The following CEP72 variants were observed in gnomAD, a reference collection of about 807,000 sequenced individuals.
CEP72 encodes the protein centrosomal protein 72.
A neutral mutation model predicts 65.7 loss-of-function variants in CEP72; 78 were observed. The observed-to-expected ratio is 1.19, with a 90% CI of 0.99 to 1.43. The LOEUF is 1.43. CEP72 is among the 40% of genes most tolerant of loss of function. The pLI, the probability that CEP72 is intolerant of heterozygous loss-of-function variation, is 0.00. For missense variants in CEP72, 914 were observed against 832.9 expected (o/e 1.10, Z -1.20); for synonymous variants, 358 against 351.7 (o/e 1.02, Z -0.20).
rs755183577 is a variant in CEP72 at position 637,503 on chromosome 5, T to C, written c.905-14T>C. The C allele has an allele frequency of 1.1e-5, 18 of 1,603,138 alleles. 1 individual carries two copies. In the South Asian group the frequency reaches 2.0e-4, roughly 18 times the overall value. On this transcript the variant is annotated splice_polypyrimidine_tract_variant and intron_variant, in intron 6 of 11. Coordinates refer to ENST00000264935, the MANE Select transcript of CEP72 (RefSeq NM_018140.4). ...ATTTGGCCTGACGTGCGCCCCATCCTCTCTATATCTCAGACTCCATGGATA... is the reference window on the plus strand; with the variant it reads ...ATTTGGCCTGACGTGCGCCCCATCCCCTCTATATCTCAGACTCCATGGATA...
rs201053025 is a variant in CEP72, at chr5:647,872, C to T, written c.1734C>T (p.Tyr578=). 19 of 1,612,364 alleles carry T rather than the reference C, an allele frequency of 1.2e-5. No homozygotes were observed. The highest frequency in any genetic ancestry group is 2.2e-5 in the South Asian group (2 of 91,068). The change falls in exon 11 of 12, where the codon TAC becomes TAT. Residue 578 remains tyrosine, a synonymous_variant. Transcript: ENST00000264935. Reference sequence around the variant, plus strand: ...AACTGAAGCAGCACCTGGAGCACTACGACAAGATCCAGGAGCTCACGCAGA... The same window carrying T: ...AACTGAAGCAGCACCTGGAGCACTATGACAAGATCCAGGAGCTCACGCAGA... ...IVELKQHLEH[Y]DKIQELTQML...
intron 2 of CEP72, among the ~76,000 whole-genome samples, chr5:619,614 G>A (rs1165503058): frequency 6.6e-6 from 1 of 152,220 alleles, no homozygotes; most frequent in Non-Finnish European, 1.5e-5. Flanking sequence ...GAGCATTATG[G>A]AGGCCACGTC....
Position 620,090 on chromosome 5 carries a change from T to C in CEP72, c.232T>C (p.Leu78=), listed in dbSNP as rs1287119969. Residue 78 remains leucine (L), a synonymous_variant, in exon 3 of 12, where the codon TTG becomes CTG. Transcript: ENST00000264935. Reference sequence around the variant, plus strand: ...ACAGGGCATTCAGTACCTGACTGCATTGGAGAGTCTCAATCTCTACTACAA... The same window carrying C: ...ACAGGGCATTCAGTACCTGACTGCACTGGAGAGTCTCAATCTCTACTACAA... ...SLEGIQYLTA[L]ESLNLYYNCI... 1.9e-6 allele frequency: 3 copies of C among 1,611,444 alleles called. No individual in the cohort carries two copies. The highest frequency in any genetic ancestry group is 1.1e-5 in the South Asian group (1 of 91,054).
At chr5:675,595 AT>A in the CEP72 span, among the ~76,000 whole-genome samples, 1 of 103,548 alleles carries the variant, frequency 9.7e-6, no homozygotes. Context: ...GGGGTGCAGC[AT>A]GGGGGGTACA....
chr5:650,049 C>T (rs868722985), intron 11 of CEP72, among the ~76,000 whole-genome samples: 2 of 77,702 alleles, frequency 2.6e-5, no homozygotes, highest in African/African-American at 1.5e-4. Flanking sequence ...GAGGCGTGGA[C>T]TGTGAGGTGT....
chr5:629,066 G>A (rs1207771771), intron 4 of CEP72, among the ~76,000 whole-genome samples: 3 of 152,358 alleles, frequency 2.0e-5, no homozygotes, highest in Non-Finnish European at 2.9e-5. Context: ...ACCAGGTGTC[G>A]TATCATGAGC....
At chr5:656,442 G>C (rs1292229673), downstream of CEP72, among the ~76,000 whole-genome samples, 1 of 152,166 alleles carries the variant, frequency 6.6e-6, no homozygotes, top group Non-Finnish European at 1.5e-5. Flanking sequence ...CCAAATGTTA[G>C]GGCTCCTTCA....
chr5:638,902 G>A (rs570047791), intron 7 of CEP72, among the ~76,000 whole-genome samples, 187 bp from the exon 8 acceptor site: 1 of 152,156 alleles, frequency 6.6e-6, no homozygotes, highest in Non-Finnish European at 1.5e-5. Flanking sequence ...CAGGACCGGT[G>A]CACCTGGCTA....
At chr5:628,321 A>G (rs1176036571) in intron 4 of CEP72, among the ~76,000 whole-genome samples, 1 of 152,188 alleles carries the variant, frequency 6.6e-6, no homozygotes, top group Non-Finnish European at 1.5e-5. Context: ...GAGGTGGGGG[A>G]CGCCCAAGGA....
At chr5:634,851 A>G (rs190214525) in intron 5 of CEP72, among the ~76,000 whole-genome samples, 2 of 152,160 alleles carry the variant, frequency 1.3e-5, no homozygotes, top group East Asian at 3.9e-4. Context: ...CACAAGTTTT[A>G]ATTTCATTAC....
At chr5:654,518 G>C (rs771005823), downstream of CEP72, among the ~76,000 whole-genome samples, 4 of 152,136 alleles carry the variant, frequency 2.6e-5, no homozygotes, top group East Asian at 7.7e-4. Flanking sequence ...GGACTCTGCT[G>C]TCTCTTCCCC....
chr5:644,490 T>C lies in CEP72; in HGVS notation c.1666+65T>C. 1.9e-6 allele frequency: 3 copies of C among 1,554,264 alleles called. No individual in the cohort carries two copies. The South Asian group carries it at 3.4e-5, about 18-fold the overall frequency. On this transcript the variant is annotated intron_variant, in intron 10 of 11. Coordinates refer to ENST00000264935, the MANE Select transcript of CEP72 (RefSeq NM_018140.4). ...GTGTTCAAATGTGCCTAGGTAGACT[T>C]TGTTTTAAATTCTTCACTGAGGGAA...
At chr5:640,371 C>T (rs749946830) in intron 8 of CEP72, 37 bp from the exon 9 acceptor site, 3 of 1,594,520 alleles carry the variant, frequency 1.9e-6, no homozygotes, top group South Asian at 2.3e-5. Context: ...ATCCTTTAAG[C>T]CTAAGTGCTA....
rs143910441 is a variant in CEP72, at chr5:637,649, C to T, written c.1037C>T (p.Ser346Leu). Residue 346 changes from serine (S) to leucine (L), a missense_variant, in exon 7 of 12, where the codon TCG (serine) becomes TTG (leucine). By Grantham distance (145) the Ser-to-Leu change is moderately radical. Transcript: ENST00000264935. Reference protein sequence around the residue: ...RMPVGRFQTFSDQEGLGCPER... With the variant: ...RMPVGRFQTFLDQEGLGCPER... Reference sequence around the variant, plus strand: ...CCTGTTGGAAGATTCCAGACGTTTTCGGACCAGGAGGGTTTGGGCTGCCCG... The same window carrying T: ...CCTGTTGGAAGATTCCAGACGTTTTTGGACCAGGAGGGTTTGGGCTGCCCG... 36 of 1,613,892 alleles carry T rather than the reference C, an allele frequency of 2.2e-5. No individual in the cohort carries two copies. The highest frequency in any genetic ancestry group is 1.8e-4 in the East Asian group (8 of 44,896).
chr5:667,353 C>A (rs1475440255), downstream of CEP72, among the ~76,000 whole-genome samples: 2 of 152,306 alleles, frequency 1.3e-5, no homozygotes, highest in East Asian at 3.9e-4. Context: ...GGAGCTGGAG[C>A]AACTGGTGAT....
chr5:648,408 A>G (rs56297766), intron 11 of CEP72, among the ~76,000 whole-genome samples: 9 of 130,706 alleles, frequency 6.9e-5, no homozygotes, highest in African/African-American at 2.9e-4. Context: ...ACTGTGAGGT[A>G]TGTGACCATG....
chr5:642,189 CGTG>C (rs1738094613), intron 9 of CEP72: 1 of 773,644 alleles, frequency 1.3e-6, no homozygotes, highest in Admixed American at 8.7e-5. Flanking sequence ...TTTAAACACA[CGTG>C]GTCCCCCATC....
chr5:639,425 A>G (rs1737852207), intron 8 of CEP72, among the ~76,000 whole-genome samples: 1 of 152,196 alleles, frequency 6.6e-6, no homozygotes, highest in South Asian at 2.1e-4. Context: ...GAGACACCAC[A>G]TGGGCCTGGG....
intron 1 of CEP72, 125 bp from the exon 2 acceptor site, chr5:618,865 G>A (rs1736165185): frequency 1.3e-6 from 1 of 774,048 alleles, no homozygotes; most frequent in Non-Finnish European, 2.0e-6. Context: ...AGGAGCCTGA[G>A]TAAAGTTGAA....
Sources: gnomAD v4.1 joint callset for allele counts (sites outside exome capture counted in the v4.1 genomes callset) on GRCh38, gnomAD v4.1.1 for gene constraint, MANE v1.5 for transcripts, NCBI Gene and HGNC (gene_info 2026-07-23, HGNC 2026-07-21) for gene names.